Variants in SIPA1L3 observed in about 807,000 individuals in gnomAD.
SIPA1L3 encodes signal-induced proliferation-associated 1-like protein 3.
Under a neutral mutation model 150.1 loss-of-function variants are expected in SIPA1L3, and 59 were observed. That is an observed-to-expected ratio of 0.39 (90% confidence interval 0.32 to 0.49). SIPA1L3 has a LOEUF of 0.49. SIPA1L3 is among the 20% of genes least tolerant of loss of function. The pLI, the probability that SIPA1L3 is intolerant of heterozygous loss-of-function variation, is 0.86. For missense variants in SIPA1L3, 2,211 were observed against 2,489.5 expected (o/e 0.89, Z 2.38); for synonymous variants, 1,070 against 1,077.6 (o/e 0.99, Z 0.14).
At chr19:37,939,016 T>G (rs1293517314) in intron 1 of SIPA1L3, among the ~76,000 whole-genome samples, 1 of 152,200 alleles carries the variant, frequency 6.6e-6, no homozygotes, top group Admixed American at 6.5e-5. Context: ...TAATAAAAGT[T>G]TATGATCCTC....
intron 15 of SIPA1L3, among the ~76,000 whole-genome samples, chr19:38,167,147 C>T (rs1406914861): frequency 2.8e-5 from 4 of 143,810 alleles, no homozygotes; most frequent in South Asian, 2.3e-4. Context: ...GCAGGAGAAT[C>T]GCTTGAATCT....
chr19:37,999,026 A>C (rs1967718139), intron 1 of SIPA1L3, among the ~76,000 whole-genome samples: 1 of 150,558 alleles, frequency 6.6e-6, no homozygotes. Flanking sequence ...CACACACACA[A>C]AGACTAAAAA....
rs760360398 is a variant in SIPA1L3, at chr19:38,201,968, C to T, written c.5091C>T (p.Pro1697=). 14 of 1,613,362 alleles carry T rather than the reference C, an allele frequency of 8.7e-6. No individual in the cohort carries two copies. The African/African-American group carries it at 1.3e-4, about 15-fold the overall frequency. Residue 1697 remains proline (P), a synonymous_variant, in exon 20 of 22, where the codon CCC becomes CCT. Transcript: ENST00000222345. The part of the protein sequence containing the change: ...VHSHLSLERG[P]PTPRTTPTMS... ...GCCACCTGAGCCTGGAGAGGGGACC[C>T]CCGACCCCCAGGACCACCCCTACCA...
intron 1 of SIPA1L3, among the ~76,000 whole-genome samples, chr19:37,989,639 T>A (rs1481826996): frequency 1.3e-5 from 2 of 150,300 alleles, no homozygotes; most frequent in Non-Finnish European, 3.0e-5. Context: ...AGAACACACA[T>A]CAGGCCTCCC....
intron 1 of SIPA1L3, among the ~76,000 whole-genome samples, chr19:37,938,697 C>T (rs1284512597): frequency 2.8e-5 from 4 of 143,518 alleles, no homozygotes; most frequent in African/African-American, 1.0e-4. Context: ...GATTTTGATT[C>T]ACTGCAACTG....
intron 4 of SIPA1L3, among the ~76,000 whole-genome samples, chr19:38,094,741 T>C (rs1970339004): frequency 6.6e-6 from 1 of 152,036 alleles, no homozygotes; most frequent in Non-Finnish European, 1.5e-5. Flanking sequence ...GAGACCAACC[T>C]GGACAACGTA....
chr19:37,940,772 G>C (rs1292821116), intron 1 of SIPA1L3, among the ~76,000 whole-genome samples: 1 of 144,130 alleles, frequency 6.9e-6, no homozygotes, highest in Non-Finnish European at 1.5e-5. Context: ...AGTAGAGACA[G>C]GGTTTCACCA....
chr19:38,206,250 C>T lies in SIPA1L3; in HGVS notation c.*10C>T. 1 of 1,538,506 alleles carries T rather than the reference C, an allele frequency of 6.5e-7. No homozygotes were observed. Among genetic ancestry groups the T allele is most frequent in the Non-Finnish European group, 8.8e-7 (1 of 1,137,976 alleles). ...GAAGAAGGAGCTCTGAGGTGGGAGGCCGCCGCCCGCCTTCGCTCCTTCCCC... is the reference window on the plus strand; with the variant it reads ...GAAGAAGGAGCTCTGAGGTGGGAGGTCGCCGCCCGCCTTCGCTCCTTCCCC... On this transcript the variant is annotated 3_prime_UTR_variant, in exon 22 of 22. Transcript: ENST00000222345.
At chr19:37,914,208 C>T (rs2046398138) in intron 1 of SIPA1L3, among the ~76,000 whole-genome samples, 1 of 151,942 alleles carries the variant, frequency 6.6e-6, no homozygotes, top group African/African-American at 2.4e-5. Context: ...TGAACTGATA[C>T]CTTAATGAGC....
intron 1 of SIPA1L3, among the ~76,000 whole-genome samples, chr19:37,973,556 C>CGG (rs1290013117): frequency 0.17 from 6,772 of 40,156 alleles, 1,164 homozygotes; most frequent in East Asian, 0.38. Context: ...AAAAAAAAAG[C>CGG]GGGAGGGGGG....
intron 1 of SIPA1L3, among the ~76,000 whole-genome samples, chr19:37,971,766 TG>T (rs1011627457): frequency 6.6e-6 from 1 of 152,066 alleles, no homozygotes; most frequent in African/African-American, 2.4e-5. Flanking sequence ...GGGGTTTCAT[TG>T]TGTTGCCCAG....
chr19:38,016,992 G>A (rs549133706), intron 1 of SIPA1L3, among the ~76,000 whole-genome samples: 2 of 142,940 alleles, frequency 1.4e-5, no homozygotes, highest in South Asian at 2.3e-4. Flanking sequence ...CGGCTCCCGG[G>A]TTCAAGCAAT....
chr19:37,913,134 A>G (rs184109603), intron 1 of SIPA1L3, among the ~76,000 whole-genome samples: 204 of 152,274 alleles, frequency 1.3e-3, no homozygotes, highest in African/African-American at 4.5e-3. Flanking sequence ...TCATTGGCAA[A>G]ATGGGTATGA....
intron 1 of SIPA1L3, among the ~76,000 whole-genome samples, chr19:37,981,996 G>T (rs908093705): frequency 6.6e-6 from 1 of 152,194 alleles, no homozygotes; most frequent in African/African-American, 2.4e-5. Flanking sequence ...CATCAGAGAG[G>T]CTGGCTCCAG....
At chr19:38,009,473 C>T (rs958715627) in intron 1 of SIPA1L3, among the ~76,000 whole-genome samples, 2 of 152,070 alleles carry the variant, frequency 1.3e-5, no homozygotes, top group Non-Finnish European at 2.9e-5. Flanking sequence ...CATGAGGAGT[C>T]GAGGATGTTG....
chr19:38,000,236 AC>A (rs1967749276), intron 1 of SIPA1L3, among the ~76,000 whole-genome samples: 1 of 151,970 alleles, frequency 6.6e-6, no homozygotes, highest in Non-Finnish European at 1.5e-5. Context: ...GGAGGCCGAG[AC>A]GGGTGGATCA....
intron 6 of SIPA1L3, among the ~76,000 whole-genome samples, chr19:38,103,414 G>A (rs1970551462): frequency 6.6e-6 from 1 of 151,928 alleles, no homozygotes; most frequent in African/African-American, 2.4e-5. Context: ...ATCACCTGAG[G>A]GCAGGAGTTC....
chr19:38,053,939 G>A (rs753539779), intron 2 of SIPA1L3, among the ~76,000 whole-genome samples: 69 of 149,154 alleles, frequency 4.6e-4, no homozygotes, highest in Non-Finnish European at 7.0e-4. Context: ...GGCAAAAACC[G>A]CAATTACTTT....
chr19:37,986,774 C>CT, intron 1 of SIPA1L3, among the ~76,000 whole-genome samples: 1 of 152,190 alleles, frequency 6.6e-6, no homozygotes, highest in South Asian at 2.1e-4. Flanking sequence ...GGTGTGGAGA[C>CT]TTTTTTTTCT....
Sources: allele counts gnomAD v4.1 joint callset (sites outside exome capture counted in the v4.1 genomes callset), GRCh38; gene constraint gnomAD v4.1.1; transcripts MANE v1.5; gene names NCBI Gene and HGNC (gene_info 2026-07-23, HGNC 2026-07-21).